MGAT4C: variants seen among roughly 807,000 people sequenced by gnomAD.
The protein encoded by MGAT4C is alpha-1,3-mannosyl-glycoprotein 4-beta-N-acetylglucosaminyltransferase C.
A neutral mutation model predicts 40.1 loss-of-function variants in MGAT4C; 19 were observed. That is an observed-to-expected ratio of 0.47 (90% confidence interval 0.33 to 0.70). MGAT4C has a LOEUF of 0.70. MGAT4C is among the 30% of genes least tolerant of loss of function. MGAT4C has a pLI of 0.02. For synonymous variants in MGAT4C, 181 were observed against 187.1 expected (o/e 0.97, Z 0.27); for missense variants, 491 against 563.2 (o/e 0.87, Z 1.30).
At chr12:86,598,613 A>T (rs1235078738) in intron 2 of MGAT4C, among the ~76,000 whole-genome samples, 1 of 152,146 alleles carries the variant, frequency 6.6e-6, no homozygotes, top group Non-Finnish European at 1.5e-5. Context: ...ATGTAGTGTA[A>T]TTATTTACAC....
chr12:86,672,899 A>C (rs1383873973), intron 2 of MGAT4C, among the ~76,000 whole-genome samples: 1 of 152,136 alleles, frequency 6.6e-6, no homozygotes, highest in Non-Finnish European at 1.5e-5. Context: ...TCTGAATCTA[A>C]AAGTTGAAAA....
chr12:86,296,654 C>A (rs900162578), intron 4 of MGAT4C, among the ~76,000 whole-genome samples: 1 of 152,228 alleles, frequency 6.6e-6, no homozygotes, highest in African/African-American at 2.4e-5. Flanking sequence ...GGGTGCTAAG[C>A]CCCTCACTGC....
chr12:86,675,650 C>T lies in MGAT4C; in HGVS notation c.-229+51559G>A, dbSNP rs114947585. ...ATTGGTCTGAAATGGGGCTTTGCCACTGATCTTTTTTTAAATGATCCTGAA... is the reference window on the plus strand; with the variant it reads ...ATTGGTCTGAAATGGGGCTTTGCCATTGATCTTTTTTTAAATGATCCTGAA... On this transcript the variant is annotated intron_variant, in intron 2 of 7. Coordinates refer to the MGAT4C transcript ENST00000548651. Among the ~76,000 whole-genome samples the T allele has an allele frequency of 1.6e-3, 240 of 152,274 alleles. 1 individual carries two copies. The highest frequency in any genetic ancestry group is 5.6e-3 in the African/African-American group (231 of 41,540).
intron 2 of MGAT4C, among the ~76,000 whole-genome samples, chr12:86,603,747 A>G (rs1961923554): frequency 1.5e-5 from 2 of 132,220 alleles, no homozygotes; most frequent in Non-Finnish European, 3.1e-5. Flanking sequence ...TATACTATAT[A>G]TTATATATAA....
At chr12:86,533,765 T>A (rs2136375852) in intron 2 of MGAT4C, among the ~76,000 whole-genome samples, 1 of 151,762 alleles carries the variant, frequency 6.6e-6, no homozygotes, top group South Asian at 2.1e-4. Context: ...AGGCCAAGGG[T>A]ATTCCAAAGT....
chr12:86,102,644 A>T (rs746118432), intron 1 of MGAT4C, among the ~76,000 whole-genome samples: 17 of 152,120 alleles, frequency 1.1e-4, no homozygotes, highest in African/African-American at 1.7e-4. Context: ...GGACAGTATC[A>T]GCTAACCCAA....
chr12:86,433,135 CA>C (rs1411769845), intron 3 of MGAT4C, among the ~76,000 whole-genome samples: 2 of 152,068 alleles, frequency 1.3e-5, no homozygotes, highest in Middle Eastern at 3.4e-3. Context: ...CCAAACTCAT[CA>C]GGGGGGCAGA....
intron 2 of MGAT4C, among the ~76,000 whole-genome samples, chr12:86,506,122 A>G (rs1287108323): frequency 6.6e-6 from 1 of 152,152 alleles, no homozygotes; most frequent in Non-Finnish European, 1.5e-5. Flanking sequence ...TGTCAGAAAG[A>G]GATGAGAAAA....
chr12:86,111,896 G>A (rs1240723777), intron 1 of MGAT4C, among the ~76,000 whole-genome samples: 1 of 151,730 alleles, frequency 6.6e-6, no homozygotes, highest in African/African-American at 2.4e-5. Context: ...CAGCCACCTG[G>A]GGCTGAATGT....
intron 2 of MGAT4C, among the ~76,000 whole-genome samples, chr12:86,565,545 T>C (rs1287412690): frequency 6.6e-6 from 1 of 152,204 alleles, no homozygotes; most frequent in Admixed American, 6.5e-5. Flanking sequence ...GTTGTGCACT[T>C]TGCATGGATG....
At chr12:86,613,692 G>C (rs1438795908) in intron 2 of MGAT4C, among the ~76,000 whole-genome samples, 3 of 151,802 alleles carry the variant, frequency 2.0e-5, no homozygotes, top group African/African-American at 7.3e-5. Flanking sequence ...AAATAGAGAG[G>C]AATAAACCAA....
At chr12:86,335,560 A>C (rs540205853) in intron 3 of MGAT4C, among the ~76,000 whole-genome samples, 1 of 152,190 alleles carries the variant, frequency 6.6e-6, no homozygotes, top group Non-Finnish European at 1.5e-5. Flanking sequence ...CAGATACCAA[A>C]ATTTGTAGAT....
At chr12:86,536,369 T>A (rs935944549) in intron 2 of MGAT4C, among the ~76,000 whole-genome samples, 3 of 152,260 alleles carry the variant, frequency 2.0e-5, no homozygotes, top group Admixed American at 2.0e-4. Flanking sequence ...GGATCCTTGA[T>A]GGAAGCATAG....
chr12:86,590,532 A>G (rs1961285547), intron 2 of MGAT4C, among the ~76,000 whole-genome samples: 1 of 152,050 alleles, frequency 6.6e-6, no homozygotes, highest in Non-Finnish European at 1.5e-5. Context: ...AAGCTCTTTC[A>G]AAACCCTGCC....
At chr12:86,116,131 A>G (rs1878374263) in intron 1 of MGAT4C, among the ~76,000 whole-genome samples, 1 of 151,926 alleles carries the variant, frequency 6.6e-6, no homozygotes. Context: ...AGCAGGAAAA[A>G]TGACAGATAA....
intron 3 of MGAT4C, among the ~76,000 whole-genome samples, chr12:86,405,854 A>AG (rs1291410083): frequency 1.3e-5 from 2 of 148,758 alleles, no homozygotes; most frequent in East Asian, 2.0e-4. Context: ...CAATTCAGTG[A>AG]GGGAAAGACT....
intron 1 of MGAT4C, among the ~76,000 whole-genome samples, chr12:86,106,205 A>G (rs1876136599): frequency 6.6e-6 from 1 of 151,580 alleles, no homozygotes; most frequent in Admixed American, 6.6e-5. Flanking sequence ...TTTTTGACTG[A>G]TTTGCCATCT....
Position 86,590,034 on chromosome 12 carries a change from T to C in MGAT4C, c.-229+137175A>G, listed in dbSNP as rs939674174. Among the ~76,000 whole-genome samples the C allele has an allele frequency of 2.6e-5, 4 of 151,968 alleles. No individual in the cohort carries two copies. In the Admixed American group the frequency reaches 2.6e-4, roughly 10 times the overall value. ...TAAGTCCAGGGAACACTTCGTAGGA[T>C]GCTGATGGATGCACCTCTCTCTGTT... On this transcript the variant is annotated intron_variant, in intron 2 of 7. Coordinates refer to the MGAT4C transcript ENST00000548651.
intron 2 of MGAT4C, among the ~76,000 whole-genome samples, chr12:86,683,602 A>G (rs779439352): frequency 2.6e-4 from 40 of 152,174 alleles, no homozygotes; most frequent in Middle Eastern, 3.2e-3. Context: ...AATCCTCACC[A>G]TGACTCACCA....
Sources: gnomAD v4.1 joint callset for allele counts (sites outside exome capture counted in the v4.1 genomes callset) on GRCh38, gnomAD v4.1.1 for gene constraint, MANE v1.5 for transcripts, NCBI Gene and HGNC (gene_info 2026-07-23, HGNC 2026-07-21) for gene names.